MAGI2: variants seen among roughly 807,000 people sequenced by gnomAD.
MAGI2 encodes membrane associated guanylate kinase, WW and PDZ domain containing 2, also known as membrane-associated guanylate kinase, WW and PDZ domain-containing protein 2.
MAGI2 carries 35 observed loss-of-function variants against 133.3 expected under a neutral mutation model. That is an observed-to-expected ratio of 0.26 (90% CI 0.20 to 0.35). The LOEUF (loss-of-function observed/expected upper bound fraction) is 0.35, where lower values mean the gene tolerates loss of function less well. MAGI2 is among the 10% of genes least tolerant of loss of function. MAGI2 has a pLI of 1.00. For synonymous variants in MAGI2, 729 were observed against 710.6 expected, an observed-to-expected ratio of 1.03 and a Z score of -0.41; for missense variants, 1,636 against 1,863.4, an observed-to-expected ratio of 0.88 and a Z score of 2.25.
chr7:78,137,258 T>TA (rs1425278528), intron 16 of MAGI2, among the ~76,000 whole-genome samples: 10 of 152,200 alleles, frequency 6.6e-5, no homozygotes, highest in African/African-American at 2.4e-4. Flanking sequence ...TGTATATTGT[T>TA]ATCTGTCCCG....
At chr7:78,622,763 T>G (rs926607610) in intron 3 of MAGI2, among the ~76,000 whole-genome samples, 13 of 152,042 alleles carry the variant, frequency 8.6e-5, no homozygotes, top group African/African-American at 2.7e-4. Flanking sequence ...TTGAGAACAT[T>G]CCCTAAGTGT....
intron 1 of MAGI2, among the ~76,000 whole-genome samples, chr7:79,129,640 G>A (rs937374102): frequency 6.6e-6 from 1 of 152,148 alleles, no homozygotes; most frequent in East Asian, 1.9e-4. Context: ...CATTTCAATA[G>A]GGATGCTTTA....
chr7:79,111,914 CT>C (rs201855993), intron 1 of MAGI2, among the ~76,000 whole-genome samples: 4,143 of 152,036 alleles, frequency 0.027, 189 homozygotes, highest in African/African-American at 0.094. Flanking sequence ...TGATCCGCCC[CT>C]CTCGGCCTCC....
intron 1 of MAGI2, among the ~76,000 whole-genome samples, chr7:79,281,600 T>C (rs1310405363): frequency 1.3e-5 from 2 of 152,166 alleles, no homozygotes; most frequent in African/African-American, 2.4e-5. Context: ...GAAAAATTGC[T>C]GAGTCATCAC....
intron 2 of MAGI2, among the ~76,000 whole-genome samples, chr7:78,924,104 T>C (rs558582781): frequency 2.6e-5 from 4 of 152,282 alleles, no homozygotes; most frequent in Admixed American, 2.0e-4. Flanking sequence ...GCTGAGACAA[T>C]GGGGTTTTCT....
In MAGI2 at chr7:78,019,840, G is replaced by C. The variant is rs1808156095; in HGVS notation, c.3843C>G (p.Ser1281Arg). The change falls in exon 22 of 22, where the codon AGC becomes AGG. Residue 1281 changes from serine (S) to arginine (R), a missense_variant. This residue lies in a region of MAGI2 where 354 missense variants were observed against 298.7 expected (regional missense o/e 1.19). Transcript: ENST00000354212. Reference sequence around the variant, plus strand: ...GTTTGATATCCCAAGTTGGGCCTGGGCTTATCTGGTGGGAAGGGTCGGAGG... The same window carrying C: ...GTTTGATATCCCAAGTTGGGCCTGGCCTTATCTGGTGGGAAGGGTCGGAGG... ...APPSDPSHQI[S>R]PGPTWDIKRE... 1.2e-6 allele frequency: 2 copies of C among 1,613,522 alleles called. No individual in the cohort carries two copies. Among genetic ancestry groups the C allele is most frequent in the Non-Finnish European group, 1.7e-6 (2 of 1,179,956 alleles).
At chr7:78,985,695 C>T (rs1805192758) in intron 2 of MAGI2, among the ~76,000 whole-genome samples, 3 of 152,022 alleles carry the variant, frequency 2.0e-5, no homozygotes, top group Admixed American at 6.6e-5. Flanking sequence ...TTTTAAAGCG[C>T]CATCTACCGT....
intron 2 of MAGI2, among the ~76,000 whole-genome samples, chr7:78,944,484 A>T (rs1222258134): frequency 2.0e-5 from 3 of 150,658 alleles, no homozygotes; most frequent in South Asian, 2.1e-4. Context: ...AATTGTAGTT[A>T]AAAAGGTATA....
chr7:79,286,565 T>C (rs1028720212), intron 1 of MAGI2, among the ~76,000 whole-genome samples: 1 of 147,726 alleles, frequency 6.8e-6, no homozygotes, highest in Non-Finnish European at 1.5e-5. Flanking sequence ...TCTAGTGATA[T>C]TCATGTAATA....
intron 2 of MAGI2, among the ~76,000 whole-genome samples, chr7:78,655,297 A>G (rs1235961435): frequency 6.6e-6 from 1 of 151,842 alleles, no homozygotes; most frequent in Admixed American, 6.6e-5. Flanking sequence ...CTCCAATATG[A>G]TCTACCTCAG....
intron 1 of MAGI2, among the ~76,000 whole-genome samples, chr7:79,219,740 A>G (rs757641970): frequency 3.5e-4 from 52 of 150,058 alleles, no homozygotes; most frequent in Non-Finnish European, 6.9e-4. Flanking sequence ...TTAATTCAAG[A>G]TATTTTTACA....
At chr7:79,235,931 G>A (rs191354618) in intron 1 of MAGI2, among the ~76,000 whole-genome samples, 4 of 152,328 alleles carry the variant, frequency 2.6e-5, no homozygotes, top group African/African-American at 9.6e-5. Flanking sequence ...TCAATAAACA[G>A]TTGTTAAAAG....
intron 21 of MAGI2, among the ~76,000 whole-genome samples, chr7:78,044,351 G>C (rs1811173985): frequency 1.3e-5 from 2 of 152,172 alleles, no homozygotes; most frequent in Non-Finnish European, 2.9e-5. Flanking sequence ...CTATGAGGAA[G>C]ACAGGTCAGT....
intron 9 of MAGI2, among the ~76,000 whole-genome samples, chr7:78,333,363 A>C (rs1789427832): frequency 6.6e-6 from 1 of 152,208 alleles, no homozygotes; most frequent in African/African-American, 2.4e-5. Context: ...CTCTGAAACA[A>C]AGCAGCCACA....
intron 1 of MAGI2, among the ~76,000 whole-genome samples, chr7:79,112,199 A>G (rs1460639378): frequency 6.6e-6 from 1 of 152,080 alleles, no homozygotes; most frequent in East Asian, 1.9e-4. Flanking sequence ...TCTGAAAGAC[A>G]TCTCTGTAAG....
chr7:78,172,345 C>T (rs1320171710), intron 14 of MAGI2, among the ~76,000 whole-genome samples: 1 of 152,194 alleles, frequency 6.6e-6, no homozygotes, highest in Non-Finnish European at 1.5e-5. Context: ...CAGGCTCTTT[C>T]CTTCTGAAAC....
chr7:78,792,777 T>A (rs1396947991), intron 2 of MAGI2, among the ~76,000 whole-genome samples: 2 of 152,144 alleles, frequency 1.3e-5, no homozygotes, highest in Non-Finnish European at 2.9e-5. Context: ...AAAAAATACA[T>A]CAACCCAATA....
intron 2 of MAGI2, among the ~76,000 whole-genome samples, chr7:78,761,649 G>C (rs960981468): frequency 2.0e-5 from 3 of 151,840 alleles, no homozygotes; most frequent in Non-Finnish European, 4.4e-5. Flanking sequence ...GTAAAGATGG[G>C]GTTTCACCAT....
At chr7:78,998,651 C>A (rs1272297577) in intron 2 of MAGI2, among the ~76,000 whole-genome samples, 1 of 152,128 alleles carries the variant, frequency 6.6e-6, no homozygotes, top group African/African-American at 2.4e-5. Flanking sequence ...ATAGCAGTGA[C>A]TTTAATTAGT....
Sources: allele counts gnomAD v4.1 joint callset (sites outside exome capture counted in the v4.1 genomes callset), GRCh38; gene constraint gnomAD v4.1.1; regional missense constraint gnomAD v4.1.1; transcripts MANE v1.5; gene names NCBI Gene and HGNC (gene_info 2026-07-23, HGNC 2026-07-21).